Variants in ACVR1 observed in about 807,000 individuals in gnomAD.
ACVR1 encodes the protein activin receptor type-1.
ACVR1 carries 38 observed loss-of-function variants against 57.1 expected under a neutral mutation model. That is an observed-to-expected ratio of 0.67 (90% confidence interval 0.51 to 0.87). The LOEUF (loss-of-function observed/expected upper bound fraction) is 0.87, where lower values mean the gene tolerates loss of function less well. Among genes scored for constraint, ACVR1 ranks in the 40% least tolerant of loss-of-function variants. The pLI is 0.00. For missense variants in ACVR1, 463 were observed against 638.2 expected, an observed-to-expected ratio of 0.73 and a Z score of 2.96; for synonymous variants, 212 against 228.1, an observed-to-expected ratio of 0.93 and a Z score of 0.63.
chr2:157,772,605 A>C (rs1027334507), intron 6 of ACVR1, among the ~76,000 whole-genome samples: 1 of 152,240 alleles, frequency 6.6e-6, no homozygotes, highest in African/African-American at 2.4e-5. Context: ...CAATCTCTGA[A>C]GACTAATCTT....
At chr2:157,775,110 C>T (rs1686231729) in intron 5 of ACVR1, among the ~76,000 whole-genome samples, 1 of 152,208 alleles carries the variant, frequency 6.6e-6, no homozygotes, top group African/African-American at 2.4e-5. Context: ...GCGCAGGCAG[C>T]AACGGGCTGC....
chr2:157,740,651 C>T (rs1161375076), intron 9 of ACVR1, among the ~76,000 whole-genome samples: 2 of 152,142 alleles, frequency 1.3e-5, no homozygotes, highest in Admixed American at 6.6e-5. Flanking sequence ...TGAATGTGAA[C>T]GGTAATACAA....
Position 157,876,139 on chromosome 2 carries a change from G to A in ACVR1, c.-526C>T, listed in dbSNP as rs1315019077. On this transcript the variant is annotated 5_prime_UTR_variant, in exon 1 of 11. Transcript: ENST00000434821. ...CGGGGAGGCGGGGTGAAGAGGAGGAGGAAGGGGAGGAGGGCGGGCAGAATA... is the reference window on the plus strand; with the variant it reads ...CGGGGAGGCGGGGTGAAGAGGAGGAAGAAGGGGAGGAGGGCGGGCAGAATA... Among the ~76,000 whole-genome samples, 1 of 149,570 alleles carries A rather than the reference G, an allele frequency of 6.7e-6. No homozygotes were observed. Among genetic ancestry groups the A allele is most frequent in the Non-Finnish European group, 1.5e-5 (1 of 67,118 alleles).
intron 9 of ACVR1, among the ~76,000 whole-genome samples, chr2:157,760,286 G>A (rs1388711909): frequency 6.6e-6 from 1 of 152,178 alleles, no homozygotes; most frequent in Non-Finnish European, 1.5e-5. Flanking sequence ...CAGAAGCTGA[G>A]AAGGTTGGGG....
chr2:157,772,422 A>G, intron 6 of ACVR1, among the ~76,000 whole-genome samples: 1 of 152,252 alleles, frequency 6.6e-6, no homozygotes, highest in East Asian at 1.9e-4. Flanking sequence ...ACATGAACAC[A>G]CTAACTACAA....
At chr2:157,843,525 C>T (rs1689038550) in intron 1 of ACVR1, among the ~76,000 whole-genome samples, 1 of 152,146 alleles carries the variant, frequency 6.6e-6, no homozygotes, top group Non-Finnish European at 1.5e-5. Flanking sequence ...AACTGAAGCT[C>T]AGAGAGGAAA....
At chr2:157,857,741 G>A (rs1311670140) in intron 1 of ACVR1, among the ~76,000 whole-genome samples, 3 of 152,134 alleles carry the variant, frequency 2.0e-5, no homozygotes, top group Non-Finnish European at 4.4e-5. Context: ...AAATCCTAAT[G>A]ACATTTATAA....
At chr2:157,838,637 C>G (rs891855674) in intron 1 of ACVR1, among the ~76,000 whole-genome samples, 3 of 152,168 alleles carry the variant, frequency 2.0e-5, no homozygotes, top group African/African-American at 7.2e-5. Context: ...TTCTGCTTAG[C>G]TCATGCTCCG....
chr2:157,873,327 G>A (rs562598995), intron 1 of ACVR1, among the ~76,000 whole-genome samples: 35 of 152,260 alleles, frequency 2.3e-4, no homozygotes, highest in Non-Finnish European at 4.3e-4. Context: ...GACATATGGT[G>A]TTTGTGGAAA....
At chr2:157,775,925 T>C (rs1349022124) in intron 5 of ACVR1, among the ~76,000 whole-genome samples, 1 of 152,186 alleles carries the variant, frequency 6.6e-6, no homozygotes, top group Non-Finnish European at 1.5e-5. Flanking sequence ...AGTTTCACTA[T>C]ATTGCCCAGG....
At chr2:157,775,028 A>G (rs1686227068) in intron 5 of ACVR1, among the ~76,000 whole-genome samples, 1 of 152,234 alleles carries the variant, frequency 6.6e-6, no homozygotes, top group South Asian at 2.1e-4. Flanking sequence ...AACTAGGAAT[A>G]AGGAACAAAC....
In ACVR1 at chr2:157,799,442, A is replaced by C. The variant is rs745444504; in HGVS notation, c.52T>G (p.Ser18Ala). The change falls in exon 3 of 11, where the codon TCC becomes GCC. Residue 18 changes from serine to alanine, a missense_variant. Transcript: ENST00000434821. ...AGTCACTTACCTTCCATACTAGGGG[A>C]GGGGAGAGCAATCATGATAAGCACA... is the stretch of plus-strand genomic sequence containing the variant. ...LPVLIMIALP[S>A]PSMEDEKPKV... The C allele has an allele frequency of 6.2e-7, 1 of 1,611,140 alleles. No individual in the cohort carries two copies. The highest frequency in any genetic ancestry group is 1.1e-5 in the South Asian group (1 of 91,022).
intron 9 of ACVR1, among the ~76,000 whole-genome samples, chr2:157,750,763 T>C (rs1375540865): frequency 6.6e-6 from 1 of 151,520 alleles, no homozygotes; most frequent in African/African-American, 2.4e-5. Flanking sequence ...AAAAAATAGG[T>C]AAAATGCCCG....
At chr2:157,874,393 A>G (rs1690210335) in intron 1 of ACVR1, among the ~76,000 whole-genome samples, 1 of 152,206 alleles carries the variant, frequency 6.6e-6, no homozygotes. Flanking sequence ...TGAGGCCCAT[A>G]TTTCAAACTT....
Position 157,790,960 on chromosome 2 carries a change from G to A in ACVR1, c.67+8467C>T, listed in dbSNP as rs528972333. Among the ~76,000 whole-genome samples the A allele has an allele frequency of 2.0e-5, 3 of 152,306 alleles. No homozygotes were observed. In the East Asian group the frequency reaches 5.8e-4, roughly 29 times the overall value. ...CAACCTTAATTCCGTCTCATGACAT[G>A]GTGACCGCTCATGATCTCATGATCT... On this transcript the variant is annotated intron_variant, in intron 3 of 10. Transcript: ENST00000434821.
chr2:157,777,562 T>C (rs1686338855), intron 5 of ACVR1, among the ~76,000 whole-genome samples: 1 of 152,228 alleles, frequency 6.6e-6, no homozygotes, highest in East Asian at 1.9e-4. Flanking sequence ...AGGTGGCTAC[T>C]TGAAAATTTT....
chr2:157,760,078 T>C (rs1486296651), intron 9 of ACVR1, among the ~76,000 whole-genome samples: 2 of 152,178 alleles, frequency 1.3e-5, no homozygotes, highest in African/African-American at 2.4e-5. Flanking sequence ...TTCAAAATAG[T>C]ACTAGAAGTC....
chr2:157,870,955 C>T (rs1037050237), intron 1 of ACVR1, among the ~76,000 whole-genome samples: 1 of 152,164 alleles, frequency 6.6e-6, no homozygotes, highest in Admixed American at 6.5e-5. Flanking sequence ...AAGACTAGGT[C>T]CCTTTGCTCC....
intron 9 of ACVR1, among the ~76,000 whole-genome samples, chr2:157,744,528 A>T (rs994171892): frequency 3.9e-5 from 6 of 152,226 alleles, no homozygotes; most frequent in African/African-American, 1.4e-4. Context: ...TTTCAAAACA[A>T]AATTAACTTT....
Sources: gnomAD v4.1 joint callset for allele counts (sites outside exome capture counted in the v4.1 genomes callset) on GRCh38, gnomAD v4.1.1 for gene constraint, MANE v1.5 for transcripts, NCBI Gene and HGNC (gene_info 2026-07-23, HGNC 2026-07-21) for gene names.